AFG1L: variants seen among roughly 807,000 people sequenced by gnomAD.
AFG1L encodes AFG1-like ATPase.
In AFG1L, 53 loss-of-function variants were observed where a neutral mutation model predicts 62.2. That is an observed-to-expected ratio of 0.85 (90% confidence interval 0.68 to 1.07). The LOEUF (loss-of-function observed/expected upper bound fraction) is 1.07, where lower values mean the gene tolerates loss of function less well. AFG1L is among the 50% of genes least tolerant of loss of function. The pLI is 0.00. For missense variants in AFG1L, 555 were observed against 590.5 expected (o/e 0.94, Z 0.62); for synonymous variants, 228 against 210.3 (o/e 1.08, Z -0.73).
chr6:108,430,772 G>T (rs111959769), intron 7 of AFG1L, among the ~76,000 whole-genome samples: 4,331 of 152,290 alleles, frequency 0.028, 96 homozygotes, highest in Middle Eastern at 0.085. Context: ...TTAAAAGGCA[G>T]TGGGGCATTT....
chr6:108,361,458 G>A (rs1367363331), intron 5 of AFG1L, among the ~76,000 whole-genome samples: 1 of 152,204 alleles, frequency 6.6e-6, no homozygotes, highest in African/African-American at 2.4e-5. Flanking sequence ...GAGAGAGAGA[G>A]TATGGCAACT....
At chr6:108,397,829 C>T (rs911787924) in intron 6 of AFG1L, among the ~76,000 whole-genome samples, 1 of 152,188 alleles carries the variant, frequency 6.6e-6, no homozygotes, top group Admixed American at 6.5e-5. Flanking sequence ...GTATAAATAA[C>T]ACATTTTCTT....
chr6:108,367,802 A>G (rs1779820566), intron 6 of AFG1L, among the ~76,000 whole-genome samples: 1 of 152,198 alleles, frequency 6.6e-6, no homozygotes, highest in South Asian at 2.1e-4. Context: ...GTGTCAAGTG[A>G]GGAAAAGAAA....
At chr6:108,388,842 A>G (rs1304844697) in intron 6 of AFG1L, among the ~76,000 whole-genome samples, 22 of 152,180 alleles carry the variant, frequency 1.4e-4, no homozygotes, top group African/African-American at 4.8e-4. Flanking sequence ...GCTGAAAAAA[A>G]TGTATATTCT....
intron 6 of AFG1L, among the ~76,000 whole-genome samples, chr6:108,372,107 GTA>G (rs968973465): frequency 7.4e-5 from 11 of 149,454 alleles, no homozygotes; most frequent in Non-Finnish European, 4.5e-5. Flanking sequence ...TATTATGTAT[GTA>G]TATATATATA....
chr6:108,369,406 T>C (rs1562113466), intron 6 of AFG1L, among the ~76,000 whole-genome samples: 1 of 152,208 alleles, frequency 6.6e-6, no homozygotes, highest in Non-Finnish European at 1.5e-5. Context: ...ACTTAGGTTT[T>C]GTGACTCTTT....
At chr6:108,348,945 T>C (rs1342330192) in intron 3 of AFG1L, among the ~76,000 whole-genome samples, 4 of 152,212 alleles carry the variant, frequency 2.6e-5, no homozygotes, top group African/African-American at 9.7e-5. Flanking sequence ...TGTTGGATTT[T>C]AGTTTAGAAA....
chr6:108,448,966 T>C (rs760593341), intron 8 of AFG1L, among the ~76,000 whole-genome samples: 15 of 151,736 alleles, frequency 9.9e-5, no homozygotes, highest in South Asian at 6.2e-4. Flanking sequence ...CTGGGCAACA[T>C]AGGGAGACCC....
At chr6:108,458,092 T>G (rs1360244215) in intron 8 of AFG1L, among the ~76,000 whole-genome samples, 1 of 152,212 alleles carries the variant, frequency 6.6e-6, no homozygotes, top group Non-Finnish European at 1.5e-5. Context: ...ATCTTGGTTT[T>G]AAACAGTTTT....
intron 5 of AFG1L, among the ~76,000 whole-genome samples, chr6:108,361,680 G>A (rs951065673): frequency 1.3e-5 from 2 of 152,170 alleles, no homozygotes; most frequent in Admixed American, 1.3e-4. Flanking sequence ...TGCCTAGGCA[G>A]CAACCGTTGC....
chr6:108,376,367 T>G (rs1026129827), intron 6 of AFG1L, among the ~76,000 whole-genome samples: 7 of 152,168 alleles, frequency 4.6e-5, no homozygotes, highest in African/African-American at 1.7e-4. Context: ...AGTTTGTTTT[T>G]GTTTTTTTCT....
chr6:108,462,708 G>T (rs913107192), intron 8 of AFG1L, among the ~76,000 whole-genome samples: 1 of 152,026 alleles, frequency 6.6e-6, no homozygotes, highest in South Asian at 2.1e-4. Flanking sequence ...ACTAAATCCA[G>T]CTAAACACAT....
intron 5 of AFG1L, among the ~76,000 whole-genome samples, chr6:108,363,609 C>T (rs531187248): frequency 7.9e-5 from 12 of 151,654 alleles, no homozygotes; most frequent in Non-Finnish European, 1.8e-4. Context: ...ATTCTGAAGA[C>T]ATCAGATTAG....
intron 2 of AFG1L, among the ~76,000 whole-genome samples, chr6:108,341,120 A>G (rs893922593): frequency 1.3e-4 from 20 of 152,148 alleles, no homozygotes; most frequent in African/African-American, 4.3e-4. Flanking sequence ...AGTTCATGGA[A>G]GGGTATATAT....
intron 1 of AFG1L, among the ~76,000 whole-genome samples, chr6:108,306,307 C>G (rs1777195676): frequency 6.6e-6 from 1 of 152,162 alleles, no homozygotes; most frequent in Non-Finnish European, 1.5e-5. Flanking sequence ...TTAACTGCTT[C>G]TTTTTGAGGC....
At chr6:108,425,445 C>T (rs556971019) in intron 7 of AFG1L, among the ~76,000 whole-genome samples, 1 of 151,356 alleles carries the variant, frequency 6.6e-6, no homozygotes, top group African/African-American at 2.4e-5. Flanking sequence ...TGTGTATACT[C>T]ACAGAATTTG....
chr6:108,522,305 A>C lies in AFG1L; in HGVS notation c.1326A>C (p.Ala442=). ...MDDLGLSQDS[A]EGLSMFTGEE... is the part of the protein sequence containing the mutation. ...CTTTGTTTTATAACCAGGATTCAGC[A>C]GAAGGACTCTCCATGTTTACCGGAG... Residue 442 remains alanine (A), a synonymous_variant, in exon 13 of 13, where the codon GCA becomes GCC. Coordinates refer to ENST00000368977, the MANE Select transcript of AFG1L (RefSeq NM_145315.5). The C allele has an allele frequency of 1.2e-6, 2 of 1,613,436 alleles. No homozygotes were observed. The highest frequency in any genetic ancestry group is 2.2e-5 in the South Asian group (2 of 91,058).
chr6:108,435,188 A>T (rs948914666), intron 7 of AFG1L, among the ~76,000 whole-genome samples: 12 of 152,220 alleles, frequency 7.9e-5, no homozygotes, highest in African/African-American at 2.7e-4. Flanking sequence ...GACACTACAC[A>T]CATAACGATT....
At chr6:108,318,865 T>C (rs1777705315) in intron 1 of AFG1L, among the ~76,000 whole-genome samples, 1 of 152,226 alleles carries the variant, frequency 6.6e-6, no homozygotes. Flanking sequence ...GGCAGCAGCA[T>C]CACATAATTT....
Sources: allele counts gnomAD v4.1 joint callset (sites outside exome capture counted in the v4.1 genomes callset), GRCh38; gene constraint gnomAD v4.1.1; transcripts MANE v1.5; gene names NCBI Gene and HGNC (gene_info 2026-07-23, HGNC 2026-07-21).